Variants in RAP1GAP2 observed in about 807,000 individuals in gnomAD.
RAP1GAP2 encodes the protein RAP1 GTPase activating protein 2.
Under a neutral mutation model 95.0 loss-of-function variants are expected in RAP1GAP2, and 27 were observed. That is an observed-to-expected ratio of 0.28 (90% CI 0.21 to 0.39). RAP1GAP2 has a LOEUF of 0.39. Among genes scored for constraint, RAP1GAP2 ranks in the 10% least tolerant of loss-of-function variants. The pLI is 1.00. For missense variants in RAP1GAP2, 771 were observed against 970.0 expected (o/e 0.79, Z 2.72); for synonymous variants, 373 against 380.9 (o/e 0.98, Z 0.24).
At position 2,825,651 on chromosome 17, in the gene RAP1GAP2, G is replaced by A. The variant is rs890450539; in HGVS notation, c.80+25101G>A. Among the ~76,000 whole-genome samples the A allele has an allele frequency of 2.0e-5, 3 of 152,040 alleles. No homozygotes were observed. Among genetic ancestry groups the A allele is most frequent in the Non-Finnish European group, 2.9e-5 (2 of 68,028 alleles). ...GATAAGGAGCGTCCCTGTCTCACAG[G>A]GATGTTTGAGGATGAAATGAGCTAA... On this transcript the variant is annotated intron_variant, in intron 2 of 24. Transcript: ENST00000254695. This position sits in a 1 kb window ranked among gnomAD's most constrained non-coding sequence, Gnocchi z 4.1.
intron 3 of RAP1GAP2, among the ~76,000 whole-genome samples, chr17:2,945,534 C>G (rs964122423): frequency 1.7e-4 from 26 of 150,588 alleles, no homozygotes; most frequent in Non-Finnish European, 3.0e-4. Context: ...AAGTGAGTTT[C>G]CTTGTTTTGT....
At chr17:2,977,315 C>G (rs2045165110) in intron 8 of RAP1GAP2, among the ~76,000 whole-genome samples, 1 of 151,978 alleles carries the variant, frequency 6.6e-6, no homozygotes, top group East Asian at 1.9e-4. Context: ...AGTAGAAAAC[C>G]TAAACATTCA....
chr17:2,826,897 T>A (rs1385051581), intron 2 of RAP1GAP2, among the ~76,000 whole-genome samples: 1 of 152,066 alleles, frequency 6.6e-6, no homozygotes, highest in African/African-American at 2.4e-5. Flanking sequence ...TCCCAGCTAC[T>A]TGGGAGGCTG....
intron 2 of RAP1GAP2, among the ~76,000 whole-genome samples, chr17:2,850,129 T>C (rs890405922): frequency 1.1e-4 from 17 of 150,710 alleles, no homozygotes; most frequent in Middle Eastern, 6.9e-3. Context: ...GCCTCCCGAG[T>C]AGCTGGGATT....
At chr17:2,759,848 G>T (rs890595598) in intron 1 of RAP1GAP2, among the ~76,000 whole-genome samples, 3 of 152,152 alleles carry the variant, frequency 2.0e-5, no homozygotes, top group Non-Finnish European at 4.4e-5. Context: ...CCGAAGTGTT[G>T]AGATTATAGA....
At position 2,869,249 on chromosome 17, in the gene RAP1GAP2, A is replaced by G. The variant is rs75658991; in HGVS notation, c.81-36035A>G. ...TAGTATGCTTATATGAGGCACCTAGAATAGGCAAATTCCTAGGGGCAGAAA... is the reference window on the plus strand; with the variant it reads ...TAGTATGCTTATATGAGGCACCTAGGATAGGCAAATTCCTAGGGGCAGAAA... On this transcript the variant is annotated intron_variant, in intron 2 of 24. Coordinates refer to ENST00000254695, the MANE Select transcript of RAP1GAP2 (RefSeq NM_015085.5). Among the ~76,000 whole-genome samples the G allele has an allele frequency of 1.3e-3, 200 of 152,266 alleles. 1 individual carries two copies. The highest frequency in any genetic ancestry group is 4.6e-3 in the African/African-American group (191 of 41,556).
intron 14 of RAP1GAP2, among the ~76,000 whole-genome samples, chr17:2,999,690 T>C (rs1419986135): frequency 2.0e-5 from 3 of 151,870 alleles, no homozygotes; most frequent in Non-Finnish European, 4.4e-5. Flanking sequence ...CGTACGCCTG[T>C]AATTCTAGCG....
intron 3 of RAP1GAP2, among the ~76,000 whole-genome samples, chr17:2,924,280 G>A (rs971925955): frequency 1.5e-4 from 23 of 152,106 alleles, no homozygotes; most frequent in Middle Eastern, 3.2e-3. Context: ...TGCACCTCCC[G>A]ATGCCTGGAG....
At chr17:2,974,481 A>G (rs1056143769) in intron 8 of RAP1GAP2, among the ~76,000 whole-genome samples, 1 of 152,206 alleles carries the variant, frequency 6.6e-6, no homozygotes, top group African/African-American at 2.4e-5. Flanking sequence ...TGAAAGAATT[A>G]CTGAAGGATA....
At chr17:2,796,029 G>A (rs1267409731), upstream of RAP1GAP2, among the ~76,000 whole-genome samples, 2 of 152,130 alleles carry the variant, frequency 1.3e-5, no homozygotes, top group African/African-American at 2.4e-5. The surrounding 1 kb of genome is among the most constrained non-coding windows in gnomAD (Gnocchi z 4.7). Context: ...GGCGTGTGCC[G>A]AGCCATGGTG....
intron 8 of RAP1GAP2, among the ~76,000 whole-genome samples, chr17:2,973,996 A>G (rs2044985877): frequency 6.6e-6 from 1 of 152,146 alleles, no homozygotes; most frequent in African/African-American, 2.4e-5. Context: ...ATTTCTCCCT[A>G]TCCATGATAG....
At chr17:2,832,023 G>A (rs546938042) in intron 2 of RAP1GAP2, among the ~76,000 whole-genome samples, 4 of 151,596 alleles carry the variant, frequency 2.6e-5, no homozygotes, top group South Asian at 4.2e-4. Flanking sequence ...GCCCAATATG[G>A]CGAAACCCTG....
At chr17:2,762,084 G>A (rs1449762687) in intron 1 of RAP1GAP2, among the ~76,000 whole-genome samples, 3 of 143,552 alleles carry the variant, frequency 2.1e-5, no homozygotes, top group Non-Finnish European at 4.5e-5. Flanking sequence ...CGCCTCCCAG[G>A]TTCACGCCAT....
At chr17:2,772,693 G>T (rs1490756723), upstream of RAP1GAP2, among the ~76,000 whole-genome samples, 1 of 151,982 alleles carries the variant, frequency 6.6e-6, no homozygotes, top group Non-Finnish European at 1.5e-5. Flanking sequence ...AGGTACTATT[G>T]TTGTCCTTGT....
chr17:2,891,454 T>C (rs1209824639), intron 2 of RAP1GAP2, among the ~76,000 whole-genome samples: 1 of 152,072 alleles, frequency 6.6e-6, no homozygotes, highest in East Asian at 1.9e-4. Flanking sequence ...TTTTCTACTT[T>C]TATTTTTTTC....
At chr17:2,756,132 G>A (rs2071138194) in intron 1 of RAP1GAP2, among the ~76,000 whole-genome samples, 1 of 152,252 alleles carries the variant, frequency 6.6e-6, no homozygotes, top group African/African-American at 2.4e-5. Context: ...TCCCATTTGT[G>A]CCTCCCTCCG....
At chr17:2,909,845 G>A (rs1005503739) in intron 3 of RAP1GAP2, among the ~76,000 whole-genome samples, 46 of 152,198 alleles carry the variant, frequency 3.0e-4, no homozygotes, top group African/African-American at 1.1e-3. Flanking sequence ...AGACTGGGTG[G>A]GGGTCCTTCT....
chr17:2,828,600 C>T (rs955921809), intron 2 of RAP1GAP2, among the ~76,000 whole-genome samples: 1 of 152,070 alleles, frequency 6.6e-6, no homozygotes, highest in African/African-American at 2.4e-5. Flanking sequence ...GTTTCCCCGT[C>T]CGCCAGCAGG....
intron 17 of RAP1GAP2, among the ~76,000 whole-genome samples, chr17:3,016,654 G>A (rs1464421909): frequency 2.0e-5 from 3 of 152,216 alleles, no homozygotes; most frequent in African/African-American, 2.4e-5. Context: ...TGCTAGGCAC[G>A]TGAGCAGCCT....
Sources: gnomAD v4.1 joint callset for allele counts (sites outside exome capture counted in the v4.1 genomes callset) on GRCh38, gnomAD v4.1.1 for gene constraint, Gnocchi (gnomAD v3.1) non-coding constraint, MANE v1.5 for transcripts, NCBI Gene and HGNC (gene_info 2026-07-23, HGNC 2026-07-21) for gene names.